Variants in MEGF8 observed in about 807,000 individuals in gnomAD.
MEGF8 encodes the protein multiple epidermal growth factor-like domains protein 8.
In MEGF8, 156 loss-of-function variants were observed where a neutral mutation model predicts 302.9. The ratio of observed to expected loss-of-function variants is 0.52; its 90% CI spans 0.45 to 0.59. MEGF8 has a LOEUF of 0.59. MEGF8 is among the 20% of genes least tolerant of loss of function. The probability of loss-of-function intolerance (pLI) is 0.00; values close to 1 mark genes in which losing one functional copy is unlikely to be tolerated. For synonymous variants in MEGF8, 1,621 were observed against 1,660.5 expected (o/e 0.98, Z 0.58); for missense variants, 3,345 against 3,964.5 (o/e 0.84, Z 4.20).
At position 42,352,576 on chromosome 19, in the gene MEGF8, A is replaced by T; in HGVS notation, c.3350+120A>T. On this transcript the variant is annotated intron_variant, in intron 19 of 41. Transcript: ENST00000251268. The surrounding 1 kb of genome is among the most constrained non-coding windows in gnomAD (Gnocchi z 4.4). ...GTGGAACCAGCATCCCCAGTTAGCC[A>T]GGGGTTTTTACCTTGCACACTAGGT... 7.5e-7 allele frequency: 1 copy of T among 1,330,576 alleles called. No homozygotes were observed. The highest frequency in any genetic ancestry group is 1.0e-6 in the Non-Finnish European group (1 of 989,060). 82.4% of individuals were successfully genotyped at this position (1,330,576 alleles called of 1,614,324 possible). A position where few individuals can be genotyped will look rare whatever the true frequency, so the allele number is the denominator to read the frequency against.
In MEGF8 at chr19:42,353,298, GGTTGGGCTTCA is replaced by G. The variant is rs1273674723; in HGVS notation, c.3551-163_3551-153del. Among the ~76,000 whole-genome samples, 1 of 152,242 alleles carries G rather than the reference GGTTGGGCTTCA, an allele frequency of 6.6e-6. No individual in the cohort carries two copies. The highest frequency in any genetic ancestry group is 1.5e-5 in the Non-Finnish European group (1 of 68,042). On this transcript the variant is annotated intron_variant, in intron 20 of 41. Coordinates refer to ENST00000251268, the MANE Select transcript of MEGF8 (RefSeq NM_001271938.2). This position sits in a 1 kb window ranked among gnomAD's most constrained non-coding sequence, Gnocchi z 6.1. Reference sequence around the variant, plus strand: ...AGGTTTCAGTGCCACCCGTCACTCTGGTTGGGCTTCAGTTCCCCCTCTTGGGACTTGCTGTT... The same window carrying G: ...AGGTTTCAGTGCCACCCGTCACTCTGGTTCCCCCTCTTGGGACTTGCTGTT...
At chr19:42,345,303 TGTG>T (rs2039274016) in intron 12 of MEGF8, among the ~76,000 whole-genome samples, 1 of 152,250 alleles carries the variant, frequency 6.6e-6, no homozygotes, top group African/African-American at 2.4e-5. Context: ...ATTTTTACAT[TGTG>T]GTAAAATACA....
chr19:42,362,558 G>A lies in MEGF8; in HGVS notation c.6019G>A (p.Glu2007Lys), dbSNP rs2039547319. ...TGCTGACTGCGAGCAGTGCACGCGG[G>A]AGGGCAAGTGCATGTGGACGCGGCA... is the stretch of plus-strand genomic sequence containing the variant. ...GAADCEQCTR[E>K]GKCMWTRQFK... Residue 2007 changes from glutamate to lysine, a missense_variant, in exon 34 of 42, where the codon GAG becomes AAG. Transcript: ENST00000251268. 1 of 1,612,918 alleles carries A rather than the reference G, an allele frequency of 6.2e-7. No individual in the cohort carries two copies. Among genetic ancestry groups the A allele is most frequent in the South Asian group, 1.1e-5 (1 of 91,070 alleles).
At chr19:42,335,427 A>C in intron 5 of MEGF8, 42 bp downstream of exon 5, 1 of 1,591,432 alleles carries the variant, frequency 6.3e-7, no homozygotes, top group African/African-American at 1.3e-5. Flanking sequence ...TTTCCACTCA[A>C]TCAGACCCAG....
rs781058253 is a variant in MEGF8 at position 42,344,050 on chromosome 19, C to G, written c.1765C>G (p.Pro589Ala). Reference sequence around the variant, plus strand: ...CCAAGGAGCCTGCCAAGCTGCACCCCCTCCTGGGACCCCCTTGGGGGCTGT... The same window carrying G: ...CCAAGGAGCCTGCCAAGCTGCACCCGCTCCTGGGACCCCCTTGGGGGCTGT... ...WCQGACQAAP[P>A]PGTPLGACPA... The change falls in exon 10 of 42, where the codon CCT (proline) becomes GCT (alanine). Residue 589 changes from proline (P) to alanine (A), a missense_variant. Transcript: ENST00000251268. This position sits in a 1 kb window ranked among gnomAD's most constrained non-coding sequence, Gnocchi z 4.5. 10 of 1,613,664 alleles carry G rather than the reference C, an allele frequency of 6.2e-6. No homozygotes were observed. The highest frequency in any genetic ancestry group is 5.9e-6 in the Non-Finnish European group (7 of 1,179,752).
Position 42,354,596 on chromosome 19 carries a change from C to T in MEGF8, c.4020C>T (p.Tyr1340=), listed in dbSNP as rs35473255. 9,667 of 1,612,110 alleles carry T rather than the reference C, an allele frequency of 6.0e-3. 434 individuals are homozygous for T. The African/African-American group carries it at 0.11, about 18-fold the overall frequency. The change falls in exon 23 of 42, where the codon TAC becomes TAT. Residue 1340 remains tyrosine, a synonymous_variant. Transcript: ENST00000251268. The surrounding 1 kb of genome is among the most constrained non-coding windows in gnomAD (Gnocchi z 4.3). ...ATTCTGCACCCCTCTAGCTGAGCTACGTCCTGGCGTTTGATGGATTCCCAC... is the reference window on the plus strand; with the variant it reads ...ATTCTGCACCCCTCTAGCTGAGCTATGTCCTGGCGTTTGATGGATTCCCAC... ...PDSSTPCTLS[Y]VLAFDGFPRF...
rs752073932 is a variant in MEGF8 at position 42,352,328 on chromosome 19, C to T, written c.3222C>T (p.Asp1074=). The change falls in exon 19 of 42, where the codon GAC becomes GAT. Residue 1074 remains aspartate, a synonymous_variant. Transcript: ENST00000251268. This position sits in a 1 kb window ranked among gnomAD's most constrained non-coding sequence, Gnocchi z 4.4. ...GCTGGGCATACGCCCGCTGTCCTGA[C>T]GTGGATGAGTGTCGCCTGGGCCTGG... ...PARWAYARCP[D]VDECRLGLAR... 1.5e-5 allele frequency: 23 copies of T among 1,584,116 alleles called. No individual in the cohort carries two copies. The highest frequency in any genetic ancestry group is 1.7e-4 in the Middle Eastern group (1 of 5,974).
At position 42,357,324 on chromosome 19, in the gene MEGF8, G is replaced by A; in HGVS notation, c.4831-80G>A. 1 of 1,510,428 alleles carries A rather than the reference G, an allele frequency of 6.6e-7. No individual in the cohort carries two copies. The highest frequency in any genetic ancestry group is 2.3e-4 in the Middle Eastern group (1 of 4,304). The allele number at this position is 1,510,428 out of a possible 1,614,324, so 93.6% of individuals were successfully genotyped here. A position where few individuals can be genotyped will look rare whatever the true frequency, so the allele number is the denominator to read the frequency against. ...CCTTAGTACTTCAGGGAGGACTGTG[G>A]GGGGCTGAGGCTCGCTTCTACCCAC... On this transcript the variant is annotated intron_variant, in intron 27 of 41. Transcript: ENST00000251268. This position sits in a 1 kb window ranked among gnomAD's most constrained non-coding sequence, Gnocchi z 5.2.
intron 41 of MEGF8, among the ~76,000 whole-genome samples, chr19:42,374,116 G>A (rs994630649): frequency 7.9e-5 from 12 of 152,084 alleles, no homozygotes; most frequent in Admixed American, 2.0e-4. Flanking sequence ...GCATAGATAT[G>A]AAAGGCTTTG....
rs868111328 is a variant in MEGF8, at chr19:42,344,322, C to T, written c.1789-119C>T. Reference sequence around the variant, plus strand: ...CTGGATCTCCCACATTCCAAGTCAACTCCCCGTTCTTCAGTTTTTTCGCCC... The same window carrying T: ...CTGGATCTCCCACATTCCAAGTCAATTCCCCGTTCTTCAGTTTTTTCGCCC... On this transcript the variant is annotated intron_variant, in intron 10 of 41. Transcript: ENST00000251268. The surrounding 1 kb of genome is among the most constrained non-coding windows in gnomAD (Gnocchi z 4.5). 1.8e-4 allele frequency: 223 copies of T among 1,260,330 alleles called. No individual in the cohort carries two copies. The highest frequency in any genetic ancestry group is 9.5e-4 in the Middle Eastern group (3 of 3,144). 78.1% of individuals were successfully genotyped at this position (1,260,330 alleles called of 1,614,324 possible).
At chr19:42,355,150 T>G (rs868259349) in intron 23 of MEGF8, among the ~76,000 whole-genome samples, 1 of 152,076 alleles carries the variant, frequency 6.6e-6, no homozygotes, top group African/African-American at 2.4e-5. Context: ...AGAGACAGGG[T>G]TTCACCATGT....
chr19:42,337,044 C>T, intron 7 of MEGF8, 40 bp from the exon 8 acceptor site: 1 of 1,613,214 alleles, frequency 6.2e-7, no homozygotes, highest in Non-Finnish European at 8.5e-7. Flanking sequence ...CCCCCACCTC[C>T]CCTAGGCTTG....
rs2039251582 is a variant in MEGF8 at position 42,343,991 on chromosome 19, G to A, written c.1706G>A (p.Ser569Asn). 1.9e-6 allele frequency: 3 copies of A among 1,613,788 alleles called. No individual in the cohort carries two copies. Among genetic ancestry groups the A allele is most frequent in the Non-Finnish European group, 2.5e-6 (3 of 1,179,786 alleles). ...LDYCSMYTDH[S>N]VCSRDPECSW... ...TACTGCTCCATGTACACAGACCACA[G>A]CGTCTGCTCCCGGGACCCGGAATGC... The change falls in exon 10 of 42, where the codon AGC becomes AAC. Residue 569 changes from serine to asparagine, a missense_variant. Physicochemically the swap from Ser to Asn is conservative, Grantham distance 46. Coordinates refer to ENST00000251268, the MANE Select transcript of MEGF8 (RefSeq NM_001271938.2).
At chr19:42,349,771 C>T in intron 14 of MEGF8, 72 bp downstream of exon 14, 2 of 1,489,714 alleles carry the variant, frequency 1.3e-6, no homozygotes, top group South Asian at 1.2e-5. Flanking sequence ...TTTCTGAACC[C>T]CAGGCCACAA....
rs1257792647 is a variant in MEGF8 at position 42,375,789 on chromosome 19, G to A, written c.7552G>A (p.Asp2518Asn). ...CACCTTCGTGGTCCGTGTGGCCCCTGACACTGGCGTCCATACTGTACACAT... is the reference window on the plus strand; with the variant it reads ...CACCTTCGTGGTCCGTGTGGCCCCTAACACTGGCGTCCATACTGTACACAT... ...YDTFVVRVAP[D>N]TGVHTVHIQP... The change falls in exon 42 of 42, where the codon GAC becomes AAC. Residue 2518 changes from aspartate to asparagine, a missense_variant. Transcript: ENST00000251268. This position sits in a 1 kb window ranked among gnomAD's most constrained non-coding sequence, Gnocchi z 7.1. The A allele has an allele frequency of 6.2e-7, 1 of 1,612,894 alleles. No individual in the cohort carries two copies. Among genetic ancestry groups the A allele is most frequent in the African/African-American group, 1.3e-5 (1 of 75,012 alleles).
chr19:42,334,151 G>A lies in MEGF8; in HGVS notation c.496G>A (p.Gly166Ser), dbSNP rs1489173434. Residue 166 changes from glycine to serine, a missense_variant, in exon 3 of 42, where the codon GGT becomes AGT. Coordinates refer to ENST00000251268, the MANE Select transcript of MEGF8 (RefSeq NM_001271938.2). ...GVCACEPGWG[G>S]PDCGLQECSA... ...GTGTGCCTGCGAGCCGGGCTGGGGGGGTCCTGACTGTGGCCTGCAGGAGTG... is the reference window on the plus strand; with the variant it reads ...GTGTGCCTGCGAGCCGGGCTGGGGGAGTCCTGACTGTGGCCTGCAGGAGTG... 3.7e-6 allele frequency: 6 copies of A among 1,611,522 alleles called. No individual in the cohort carries two copies. The highest frequency in any genetic ancestry group is 5.1e-6 in the Non-Finnish European group (6 of 1,179,654).
intron 39 of MEGF8, 86 bp from the exon 40 acceptor site, chr19:42,370,615 G>A: frequency 1.4e-6 from 2 of 1,468,828 alleles, no homozygotes; most frequent in Non-Finnish European, 1.8e-6. Flanking sequence ...TGAGGGAGGA[G>A]TGGGTAGGAG....
Position 42,326,186 on chromosome 19 carries a change from G to A in MEGF8, c.-58G>A, listed in dbSNP as rs905626493. ...TGCAGGGCCTCACCCCGGGTAGAGG[G>A]TCCTCTCCAGGTTTTTACGGCCTGT... On this transcript the variant is annotated 5_prime_UTR_variant, in exon 1 of 42. Coordinates refer to ENST00000251268, the MANE Select transcript of MEGF8 (RefSeq NM_001271938.2). The A allele has an allele frequency of 1.5e-5, 22 of 1,448,162 alleles. No individual in the cohort carries two copies. Among genetic ancestry groups the A allele is most frequent in the Non-Finnish European group, 1.8e-5 (20 of 1,106,920 alleles). 89.7% of individuals were successfully genotyped at this position (1,448,162 alleles called of 1,614,324 possible).
At chr19:42,330,504 C>T (rs2039041808) in intron 1 of MEGF8, among the ~76,000 whole-genome samples, 1 of 152,218 alleles carries the variant, frequency 6.6e-6, no homozygotes, top group Admixed American at 6.5e-5. Context: ...GGTTCTTCTG[C>T]ATTCCCCAAA....
Sources: gnomAD v4.1 joint callset for allele counts (sites outside exome capture counted in the v4.1 genomes callset) on GRCh38, gnomAD v4.1.1 for gene constraint, Gnocchi (gnomAD v3.1) non-coding constraint, MANE v1.5 for transcripts, NCBI Gene and HGNC (gene_info 2026-07-23, HGNC 2026-07-21) for gene names.